Variants in FAM110B observed in about 807,000 individuals in gnomAD.
FAM110B encodes protein FAM110B.
In FAM110B, 6 loss-of-function variants were observed where a neutral mutation model predicts 20.4. That is an observed-to-expected ratio of 0.29 (90% confidence interval 0.16 to 0.58). FAM110B has a LOEUF of 0.58. Among genes scored for constraint, FAM110B ranks in the 20% least tolerant of loss-of-function variants. The pLI is 0.90. For missense variants in FAM110B, 434 were observed against 498.2 expected, an observed-to-expected ratio of 0.87 and a Z score of 1.23; for synonymous variants, 226 against 214.1, an observed-to-expected ratio of 1.06 and a Z score of -0.49.
intron 2 of FAM110B, among the ~76,000 whole-genome samples, chr8:58,050,727 T>C (rs904043366): frequency 6.6e-6 from 1 of 152,164 alleles, no homozygotes; most frequent in Non-Finnish European, 1.5e-5. Flanking sequence ...GAAATTAGGC[T>C]AGGCCCACCC....
chr8:58,011,947 A>G (rs1585809832), intron 1 of FAM110B, among the ~76,000 whole-genome samples: 1 of 152,202 alleles, frequency 6.6e-6, no homozygotes, highest in African/African-American at 2.4e-5. Flanking sequence ...CGTCTGTCAC[A>G]GGCTCTGCTT....
At chr8:58,122,394 T>A (rs1807385003) in intron 3 of FAM110B, among the ~76,000 whole-genome samples, 1 of 152,124 alleles carries the variant, frequency 6.6e-6, no homozygotes, top group African/African-American at 2.4e-5. Context: ...ATTAAACAAT[T>A]TCTCCCCTTC....
chr8:58,119,950 T>G (rs1380396346), intron 3 of FAM110B, among the ~76,000 whole-genome samples: 1 of 152,180 alleles, frequency 6.6e-6, no homozygotes, highest in Admixed American at 6.5e-5. Context: ...TTCTGGGAAA[T>G]GTAGCCAGTA....
chr8:58,053,990 G>T (rs1314093979), intron 2 of FAM110B, among the ~76,000 whole-genome samples: 1 of 152,170 alleles, frequency 6.6e-6, no homozygotes, highest in Non-Finnish European at 1.5e-5. Context: ...ACAGAAAAAA[G>T]AAAGTGGTGT....
intron 2 of FAM110B, among the ~76,000 whole-genome samples, chr8:58,047,606 C>CTCTCTCTCTCTCTT (rs1805353816): frequency 7.4e-6 from 1 of 135,382 alleles, no homozygotes; most frequent in Non-Finnish European, 1.5e-5. Flanking sequence ...CTCTCTCTCT[C>CTCTCTCTCTCTCTT]TCTCTCTCTC....
chr8:58,059,866 T>G (rs566634670), intron 2 of FAM110B, among the ~76,000 whole-genome samples: 2 of 152,292 alleles, frequency 1.3e-5, no homozygotes, highest in Non-Finnish European at 2.9e-5. Context: ...CTCTATAGTT[T>G]TAGTTTTTAA....
At chr8:58,004,111 A>G (rs1429709108) in intron 1 of FAM110B, among the ~76,000 whole-genome samples, 4 of 152,318 alleles carry the variant, frequency 2.6e-5, no homozygotes, top group Middle Eastern at 3.4e-3. Context: ...CCTAAGAAGC[A>G]CGCAACCCAG....
At chr8:58,018,445 A>T (rs555435759) in intron 1 of FAM110B, among the ~76,000 whole-genome samples, 5 of 152,244 alleles carry the variant, frequency 3.3e-5, no homozygotes, top group African/African-American at 1.2e-4. Context: ...TTTGCATGGT[A>T]TATATATGTA....
chr8:58,027,354 TACCATCCACTGAAG>T (rs1448581863), intron 1 of FAM110B, among the ~76,000 whole-genome samples: 1 of 152,140 alleles, frequency 6.6e-6, no homozygotes, highest in Non-Finnish European at 1.5e-5. Context: ...AGATGTTGAG[TACCATCCACTGAAG>T]GAGTCCCAGG....
intron 1 of FAM110B, among the ~76,000 whole-genome samples, chr8:58,024,120 G>T (rs1218828046): frequency 6.7e-6 from 1 of 148,886 alleles, no homozygotes; most frequent in Non-Finnish European, 1.5e-5. Flanking sequence ...GAGAATCAAT[G>T]AACAAAAGTG....
intron 3 of FAM110B, among the ~76,000 whole-genome samples, chr8:58,094,661 T>C (rs1011009887): frequency 2.0e-5 from 3 of 152,240 alleles, no homozygotes; most frequent in Non-Finnish European, 4.4e-5. Flanking sequence ...CAGTATTTTA[T>C]TGAAGCTTTT....
At chr8:58,058,961 C>G (rs2150584300) in intron 2 of FAM110B, among the ~76,000 whole-genome samples, 1 of 152,246 alleles carries the variant, frequency 6.6e-6, no homozygotes, top group East Asian at 1.9e-4. Flanking sequence ...TTTCAGTTTT[C>G]TCTTTCTACC....
At chr8:58,011,346 G>A (rs1405701961) in intron 1 of FAM110B, among the ~76,000 whole-genome samples, 1 of 152,108 alleles carries the variant, frequency 6.6e-6, no homozygotes, top group Non-Finnish European at 1.5e-5. Flanking sequence ...AACTCTGACT[G>A]GATAGAGCGC....
At chr8:58,092,563 A>G (rs1372001703) in intron 3 of FAM110B, among the ~76,000 whole-genome samples, 2 of 152,190 alleles carry the variant, frequency 1.3e-5, no homozygotes, top group Admixed American at 1.3e-4. Context: ...TGTCCCTGCA[A>G]AGGACATGAA....
At chr8:58,001,085 T>C (rs1804285746) in intron 1 of FAM110B, among the ~76,000 whole-genome samples, 1 of 152,152 alleles carries the variant, frequency 6.6e-6, no homozygotes, top group South Asian at 2.1e-4. Flanking sequence ...AATGTTTTGG[T>C]AAAGTGGCCA....
intron 3 of FAM110B, among the ~76,000 whole-genome samples, chr8:58,096,465 C>T (rs549370834): frequency 5.3e-5 from 8 of 152,090 alleles, no homozygotes; most frequent in Non-Finnish European, 7.4e-5. Context: ...TGTGAGCCAC[C>T]GCGACCAGCC....
intron 2 of FAM110B, among the ~76,000 whole-genome samples, chr8:58,061,019 AC>A (rs1045974110): frequency 5.9e-5 from 9 of 151,926 alleles, no homozygotes; most frequent in African/African-American, 2.2e-4. Context: ...AACTGAGAGC[AC>A]CCCCTCCCCC....
intron 3 of FAM110B, among the ~76,000 whole-genome samples, chr8:58,103,378 T>C (rs896893993): frequency 2.8e-5 from 4 of 142,280 alleles, no homozygotes; most frequent in Non-Finnish European, 6.1e-5. Flanking sequence ...TGTGTCCATG[T>C]GTTCTCATTG....
intron 3 of FAM110B, among the ~76,000 whole-genome samples, chr8:58,119,381 G>A (rs905276767): frequency 1.3e-5 from 2 of 152,166 alleles, no homozygotes; most frequent in Non-Finnish European, 2.9e-5. Context: ...CATGGGGGAA[G>A]GGACAGGCAC....
Sources: gnomAD v4.1 joint callset for allele counts (sites outside exome capture counted in the v4.1 genomes callset) on GRCh38, gnomAD v4.1.1 for gene constraint, MANE v1.5 for transcripts, NCBI Gene and HGNC (gene_info 2026-07-23, HGNC 2026-07-21) for gene names.